KCNMB2: variants seen among roughly 807,000 people sequenced by gnomAD.
KCNMB2 encodes calcium-activated potassium channel subunit beta-2.
KCNMB2 carries 9 observed loss-of-function variants against 24.5 expected under a neutral mutation model. The observed-to-expected ratio is 0.37, with a 90% CI of 0.22 to 0.64. KCNMB2 has a LOEUF of 0.64. Ranked by LOEUF, KCNMB2 falls within the 30% of genes least tolerant of loss-of-function variation. KCNMB2 has a pLI of 0.63. For missense variants in KCNMB2, 226 were observed against 284.3 expected, an observed-to-expected ratio of 0.79 and a Z score of 1.47; for synonymous variants, 109 against 104.4, an observed-to-expected ratio of 1.04 and a Z score of -0.27.
intron 1 of KCNMB2, among the ~76,000 whole-genome samples, chr3:178,553,135 C>T (rs551127001): frequency 1.6e-4 from 25 of 152,198 alleles, no homozygotes; most frequent in African/African-American, 6.0e-4. Context: ...GAAATTTCAC[C>T]CGAACCTTCA....
At chr3:178,745,237 G>A (rs1414441050) in intron 1 of KCNMB2, among the ~76,000 whole-genome samples, 1 of 152,172 alleles carries the variant, frequency 6.6e-6, no homozygotes, top group Non-Finnish European at 1.5e-5. Flanking sequence ...ACAGTTCCAC[G>A]TGGCTGGGGA....
Position 178,716,933 on chromosome 3 carries a change from TA to T in KCNMB2, c.-67-90409del, listed in dbSNP as rs371615044. ...TATCATTCATATCCACAGGTCATAGTAGAGTCAGTCTTTAGGCATTGCTTAA... is the reference window on the plus strand; with the variant it reads ...TATCATTCATATCCACAGGTCATAGTGAGTCAGTCTTTAGGCATTGCTTAA... On this transcript the variant is annotated intron_variant, in intron 1 of 4. Transcript: ENST00000452583. Among the ~76,000 whole-genome samples the T allele has an allele frequency of 3.0e-3, 454 of 152,180 alleles. 4 individuals carry two copies. Among genetic ancestry groups the T allele is most frequent in the African/African-American group, 0.011 (438 of 41,530 alleles).
At position 178,843,368 on chromosome 3, in the gene KCNMB2, A is replaced by G; in HGVS notation, c.*431A>G. ...CAAAAATATTTTTTTTTCTTATTCT[A>G]AACTGAGCCCTATAGCAAGTGAAGG... On this transcript the variant is annotated 3_prime_UTR_variant, in exon 5 of 5. Coordinates refer to ENST00000452583, the MANE Select transcript of KCNMB2 (RefSeq NM_181361.3). 3.0e-6 allele frequency: 1 copy of G among 329,486 alleles called. No homozygotes were observed. The highest frequency in any genetic ancestry group is 8.5e-5 in the East Asian group (1 of 11,780). The allele number at this position is 329,486 out of a possible 1,614,324, so 20.4% of individuals were successfully genotyped here. A position where few individuals can be genotyped will look rare whatever the true frequency, so the allele number is the denominator to read the frequency against.
intron 1 of KCNMB2, among the ~76,000 whole-genome samples, chr3:178,676,207 G>C (rs768137411): frequency 2.6e-5 from 4 of 152,168 alleles, no homozygotes; most frequent in Non-Finnish European, 5.9e-5. Context: ...AAGAACTGGA[G>C]GCCACCCAGG....
intron 1 of KCNMB2, among the ~76,000 whole-genome samples, chr3:178,556,820 A>G (rs985921746): frequency 6.6e-6 from 1 of 152,314 alleles, no homozygotes; most frequent in East Asian, 1.9e-4. Flanking sequence ...TGGGAATGTC[A>G]GGCCCTAAAG....
chr3:178,730,405 A>ACCC lies in KCNMB2; in HGVS notation c.-67-76933_-67-76931dup, dbSNP rs71181246. On this transcript the variant is annotated intron_variant, in intron 1 of 4. Coordinates refer to ENST00000452583, the MANE Select transcript of KCNMB2 (RefSeq NM_181361.3). Reference sequence around the variant, plus strand: ...ATCTTTGTCACTACTGTCCCCCAACACCCCCCCACACACACACACACACAC... The same window carrying ACCC: ...ATCTTTGTCACTACTGTCCCCCAACACCCCCCCCCCACACACACACACACACAC... Among the ~76,000 whole-genome samples, 180 of 112,182 alleles carry ACCC rather than the reference A, an allele frequency of 1.6e-3. 3 individuals are homozygous for ACCC. The highest frequency in any genetic ancestry group is 8.7e-3 in the Middle Eastern group (2 of 230). The allele number at this position is 112,182 out of a possible 152,430, so 73.6% of individuals were successfully genotyped here.
chr3:178,600,145 T>G (rs1457830389), intron 1 of KCNMB2, among the ~76,000 whole-genome samples: 1 of 152,194 alleles, frequency 6.6e-6, no homozygotes, highest in African/African-American at 2.4e-5. Flanking sequence ...CCCAAAGTGC[T>G]AGGATTACAG....
chr3:178,792,864 C>A (rs553308544), intron 1 of KCNMB2, among the ~76,000 whole-genome samples: 2 of 152,344 alleles, frequency 1.3e-5, no homozygotes, highest in South Asian at 2.1e-4. Context: ...TGCAGCCTGA[C>A]GCCCTCTCAA....
rs373555367 is a variant in KCNMB2, at chr3:178,710,282, G to C, written c.-67-97061G>C. ...TCATTCTCAGAGCAAGGCCTTTTCAGGGCCCAGAGGTATATTCACTTCTGA... is the reference window on the plus strand; with the variant it reads ...TCATTCTCAGAGCAAGGCCTTTTCACGGCCCAGAGGTATATTCACTTCTGA... On this transcript the variant is annotated intron_variant, in intron 1 of 4. Coordinates refer to ENST00000452583, the MANE Select transcript of KCNMB2 (RefSeq NM_181361.3). Among the ~76,000 whole-genome samples the C allele has an allele frequency of 2.1e-3, 321 of 152,196 alleles. 1 individual carries two copies. The highest frequency in any genetic ancestry group is 7.3e-3 in the African/African-American group (303 of 41,538).
chr3:178,733,559 C>A (rs536042841), intron 1 of KCNMB2, among the ~76,000 whole-genome samples: 4 of 152,198 alleles, frequency 2.6e-5, no homozygotes, highest in Non-Finnish European at 5.9e-5. Flanking sequence ...CGGCTCACTG[C>A]AACCTCCACC....
intron 1 of KCNMB2, among the ~76,000 whole-genome samples, chr3:178,742,380 G>A (rs557212887): frequency 1.4e-4 from 22 of 152,270 alleles, no homozygotes; most frequent in Admixed American, 7.8e-4. Flanking sequence ...GTGCTGTAAG[G>A]ATCATGGCTG....
intron 1 of KCNMB2, among the ~76,000 whole-genome samples, chr3:178,732,614 T>C (rs1186351607): frequency 1.3e-5 from 2 of 152,216 alleles, no homozygotes; most frequent in Non-Finnish European, 1.5e-5. Context: ...ATGTGCTTAA[T>C]GGAGAAAACA....
In KCNMB2 at chr3:178,648,499, G is replaced by A. The variant is rs113914522; in HGVS notation, c.-68+111788G>A. On this transcript the variant is annotated intron_variant, in intron 1 of 4. Coordinates refer to ENST00000452583, the MANE Select transcript of KCNMB2 (RefSeq NM_181361.3). ...GCAGCACGCTGTGAGCTATGATCAT[G>A]CCACTTTACCCCAGTCTGAACTACA... Among the ~76,000 whole-genome samples the A allele has an allele frequency of 5.4e-4, 83 of 152,304 alleles. 1 individual carries two copies. Among genetic ancestry groups the A allele is most frequent in the African/African-American group, 1.9e-3 (81 of 41,568 alleles).
chr3:178,833,338 T>C (rs933243813), intron 4 of KCNMB2, among the ~76,000 whole-genome samples: 44 of 152,214 alleles, frequency 2.9e-4, no homozygotes, highest in African/African-American at 9.9e-4. Flanking sequence ...TCTTCCACAA[T>C]CAGCAAATGC....
chr3:178,600,186 C>T (rs1718028761), intron 1 of KCNMB2, among the ~76,000 whole-genome samples: 1 of 152,060 alleles, frequency 6.6e-6, no homozygotes. Context: ...TTGTGACTAG[C>T]TTATTTTATT....
intron 1 of KCNMB2, among the ~76,000 whole-genome samples, chr3:178,704,712 A>G (rs1263754213): frequency 6.6e-6 from 1 of 152,200 alleles, no homozygotes; most frequent in Non-Finnish European, 1.5e-5. Flanking sequence ...TAAGAACATG[A>G]GACTCAAGAG....
intron 1 of KCNMB2, among the ~76,000 whole-genome samples, chr3:178,754,173 T>TAC (rs1478760390): frequency 2.6e-4 from 23 of 89,824 alleles, no homozygotes; most frequent in African/African-American, 1.5e-3. Context: ...TATATATATA[T>TAC]ATATACACAC....
At chr3:178,698,461 TA>T (rs1287265248) in intron 1 of KCNMB2, among the ~76,000 whole-genome samples, 5 of 152,372 alleles carry the variant, frequency 3.3e-5, no homozygotes, top group Admixed American at 1.3e-4. Flanking sequence ...TTTTTAGCCC[TA>T]TCTGGTCAGT....
chr3:178,783,631 T>C (rs1308928479), intron 1 of KCNMB2, among the ~76,000 whole-genome samples: 25 of 149,740 alleles, frequency 1.7e-4, no homozygotes, highest in Middle Eastern at 6.8e-3. Context: ...GTGATTTTTG[T>C]ACATTGATTT....
Sources: allele counts gnomAD v4.1 joint callset (sites outside exome capture counted in the v4.1 genomes callset), GRCh38; gene constraint gnomAD v4.1.1; transcripts MANE v1.5; gene names NCBI Gene and HGNC (gene_info 2026-07-23, HGNC 2026-07-21).